The following SLC27A4 variants were observed in gnomAD, a reference collection of about 807,000 sequenced individuals.
SLC27A4 encodes solute carrier family 27 member 4.
In SLC27A4, 33 loss-of-function variants were observed where a neutral mutation model predicts 64.4. The observed-to-expected ratio is 0.51, with a 90% CI of 0.39 to 0.68. The LOEUF is 0.68. Among genes scored for constraint, SLC27A4 ranks in the 30% least tolerant of loss-of-function variants. The probability of loss-of-function intolerance (pLI) is 0.00; values close to 1 mark genes in which losing one functional copy is unlikely to be tolerated. For missense variants in SLC27A4, 824 were observed against 883.5 expected (o/e 0.93, Z 0.85); for synonymous variants, 377 against 370.0 (o/e 1.02, Z -0.22).
intron 6 of SLC27A4, 142 bp downstream of exon 6, chr9:128,350,717 A>T (rs1029532392): frequency 1.4e-6 from 1 of 736,484 alleles, no homozygotes; most frequent in Non-Finnish European, 2.4e-6. Flanking sequence ...GCACTTTGGG[A>T]GGCCAAGGTG....
chr9:128,352,616 G>A (rs778956882), intron 6 of SLC27A4, 22 bp from the exon 7 acceptor site: 2 of 1,590,508 alleles, frequency 1.3e-6, no homozygotes, highest in African/African-American at 2.7e-5. Context: ...CTGACCCTCA[G>A]GGGCCATCCC....
In SLC27A4 at chr9:128,355,508, C is replaced by T. The variant is rs759441998; in HGVS notation, c.1573C>T (p.Leu525Phe). 6.2e-7 allele frequency: 1 copy of T among 1,613,270 alleles called. No individual in the cohort carries two copies. The highest frequency in any genetic ancestry group is 2.2e-5 in the East Asian group (1 of 44,890). Residue 525 changes from leucine to phenylalanine, a missense_variant, in exon 11 of 13, where the codon CTC (leucine) becomes TTC (phenylalanine). By Grantham distance (22) the Leu-to-Phe change is conservative. Coordinates refer to ENST00000300456, the MANE Select transcript of SLC27A4 (RefSeq NM_005094.4). The stretch of plus-strand genomic sequence containing the variant: ...GTCCACCACCGAGGTGGAAGGCACA[C>T]TCAGCCGCCTGCTGGACATGGCTGA... Reference protein sequence around the residue: ...NVSTTEVEGTLSRLLDMADVA... With the variant: ...NVSTTEVEGTFSRLLDMADVA...
chr9:128,355,487 A>G lies in SLC27A4; in HGVS notation c.1552A>G (p.Thr518Ala). The G allele has an allele frequency of 1.2e-6, 2 of 1,613,394 alleles. No homozygotes were observed. The highest frequency in any genetic ancestry group is 1.7e-6 in the Non-Finnish European group (2 of 1,180,014). ...TFRWKGENVS[T>A]TEVEGTLSRL... ...CCGCTGGAAAGGTGAGAACGTGTCCACCACCGAGGTGGAAGGCACACTCAG... is the reference window on the plus strand; with the variant it reads ...CCGCTGGAAAGGTGAGAACGTGTCCGCCACCGAGGTGGAAGGCACACTCAG... The change falls in exon 11 of 13, where the codon ACC becomes GCC. Residue 518 changes from threonine (T) to alanine (A), a missense_variant. Physicochemically the swap from Thr to Ala is moderately conservative, Grantham distance 58. Transcript: ENST00000300456.
Position 128,350,484 on chromosome 9 carries a change from G to A in SLC27A4, c.786G>A (p.Arg262=), listed in dbSNP as rs1440691306. 1 of 1,614,046 alleles carries A rather than the reference G, an allele frequency of 6.2e-7. No individual in the cohort carries two copies. The change falls in exon 6 of 13, where the codon AGG becomes AGA. Residue 262 remains arginine (R), a splice_region_variant and synonymous_variant. Transcript: ENST00000300456. ...AGCCCTTGGCCCTGTGCCTTCCCAG[G>A]TATTACCGCATGGCTGCCCTGGTGT... ...LPKAAIVVHS[R]YYRMAALVYY...
chr9:128,356,248 C>T lies in SLC27A4; in HGVS notation c.1774+452C>T, dbSNP rs543713879. 2.0e-5 allele frequency among the ~76,000 whole-genome samples: 3 copies of T among 152,304 alleles called. No homozygotes were observed. The South Asian group carries it at 6.2e-4, about 32-fold the overall frequency. On this transcript the variant is annotated intron_variant, in intron 12 of 12. Coordinates refer to ENST00000300456, the MANE Select transcript of SLC27A4 (RefSeq NM_005094.4). ...CTCCTCTGAGGAGGGGATGGTTCAG[C>T]TGAGACCTGAATGAAAGGAAGGACT... is the stretch of plus-strand genomic sequence containing the variant.
chr9:128,342,976 G>A, intron 1 of SLC27A4, 151 bp from the exon 2 acceptor site: 1 of 970,764 alleles, frequency 1.0e-6, no homozygotes, highest in South Asian at 1.5e-5. Context: ...AGCCTGGAAA[G>A]GGACCCCTGT....
intron 3 of SLC27A4, among the ~76,000 whole-genome samples, chr9:128,347,275 T>TG (rs1832671163): frequency 6.6e-6 from 1 of 152,192 alleles, no homozygotes; most frequent in Admixed American, 6.5e-5. Context: ...TTATGGATGA[T>TG]GAGCCTGGAG....
chr9:128,340,914 AC>A, intron 1 of SLC27A4, 76 bp downstream of exon 1: 1 of 516,800 alleles, frequency 1.9e-6, no homozygotes, highest in Non-Finnish European at 3.6e-6. Flanking sequence ...GGCGGTGCGG[AC>A]CCCAGGTGGG....
At chr9:128,355,331 TCCCTGGCTTGAG>T (rs1832801258) in intron 10 of SLC27A4, 55 bp from the exon 11 acceptor site, 34 of 1,607,486 alleles carry the variant, frequency 2.1e-5, no homozygotes, top group Non-Finnish European at 2.7e-5. Context: ...CAGCAAAGCC[TCCCTGGCTTGAG>T]CCCTGGTCTC....
Position 128,353,368 on chromosome 9 carries a change from T to A in SLC27A4, c.1198-47T>A. 6.2e-7 allele frequency: 1 copy of A among 1,614,084 alleles called. No homozygotes were observed. The highest frequency in any genetic ancestry group is 8.5e-7 in the Non-Finnish European group (1 of 1,180,008). Reference sequence around the variant, plus strand: ...CCCACTTCCCCCTCATTGTCCAGTTTTGGGCCCATGGTGAGAGAGCCCAGG... The same window carrying A: ...CCCACTTCCCCCTCATTGTCCAGTTATGGGCCCATGGTGAGAGAGCCCAGG... On this transcript the variant is annotated intron_variant, in intron 8 of 12. Transcript: ENST00000300456. The surrounding 1 kb of genome is among the most constrained non-coding windows in gnomAD (Gnocchi z 4.9).
chr9:128,350,672 T>A, intron 6 of SLC27A4, 97 bp downstream of exon 6: 1 of 993,428 alleles, frequency 1.0e-6, no homozygotes, highest in South Asian at 1.4e-5. Flanking sequence ...CACACAGCTT[T>A]GGGCCAGGCG....
intron 3 of SLC27A4, among the ~76,000 whole-genome samples, chr9:128,348,143 G>A (rs1832684228): frequency 6.6e-6 from 1 of 152,146 alleles, no homozygotes; most frequent in Non-Finnish European, 1.5e-5. Flanking sequence ...TCTATCTGGT[G>A]CACCACAGAG....
At chr9:128,347,710 T>TAAA (rs548281175) in intron 3 of SLC27A4, among the ~76,000 whole-genome samples, 1 of 103,286 alleles carries the variant, frequency 9.7e-6, no homozygotes, top group Non-Finnish European at 2.0e-5. Context: ...AACTCTGTCT[T>TAAA]AAAAAAAAAA....
chr9:128,342,198 C>T (rs779705614), intron 1 of SLC27A4: 64 of 1,566,200 alleles, frequency 4.1e-5, no homozygotes, highest in Non-Finnish European at 5.2e-5. Flanking sequence ...TTCGCTCGTT[C>T]TCGCATGCCT....
At chr9:128,346,326 C>T (rs952641132) in intron 3 of SLC27A4, among the ~76,000 whole-genome samples, 5 of 151,766 alleles carry the variant, frequency 3.3e-5, no homozygotes, top group East Asian at 2.0e-4. Context: ...CTCCACCTCC[C>T]GGGTTCAAGC....
Position 128,341,820 on chromosome 9 carries a change from C to G in SLC27A4, c.-7+982C>G, listed in dbSNP as rs537588344. On this transcript the variant is annotated intron_variant, in intron 1 of 12. Coordinates refer to ENST00000300456, the MANE Select transcript of SLC27A4 (RefSeq NM_005094.4). ...GTGGCACAATCTCGGCTCAATGGAA[C>G]CTCCGCCTCCCGGGTTCAAGCAATT... Among the ~76,000 whole-genome samples, 78 of 152,258 alleles carry G rather than the reference C, an allele frequency of 5.1e-4. No homozygotes were observed. In the South Asian group the frequency reaches 0.015, roughly 30 times the overall value.
chr9:128,347,377 G>T (rs976124920), intron 3 of SLC27A4, among the ~76,000 whole-genome samples: 1 of 152,106 alleles, frequency 6.6e-6, no homozygotes, highest in South Asian at 2.1e-4. Flanking sequence ...ACAGCACTCT[G>T]TTTTTTCTCC....
chr9:128,343,330 C>T (rs751787124), intron 2 of SLC27A4, 37 bp downstream of exon 2: 1 of 1,612,488 alleles, frequency 6.2e-7, no homozygotes, highest in South Asian at 1.1e-5. Context: ...GGGTCTGCCA[C>T]ACTACAGTGA....
At chr9:128,357,797 G>A (rs889935216) in intron 12 of SLC27A4, among the ~76,000 whole-genome samples, 4 of 152,162 alleles carry the variant, frequency 2.6e-5, no homozygotes, top group Admixed American at 1.3e-4. Context: ...CACCTCCCAC[G>A]TTGTCGTCAT....
Sources: allele counts gnomAD v4.1 joint callset (sites outside exome capture counted in the v4.1 genomes callset), GRCh38; gene constraint gnomAD v4.1.1; non-coding constraint Gnocchi (gnomAD v3.1); transcripts MANE v1.5; gene names NCBI Gene and HGNC (gene_info 2026-07-23, HGNC 2026-07-21).